LARS2: variants seen among roughly 807,000 people sequenced by gnomAD.
LARS2 encodes the protein leucyl-tRNA synthetase 2, mitochondrial.
Under a neutral mutation model 116.6 loss-of-function variants are expected in LARS2, and 81 were observed. That is an observed-to-expected ratio of 0.69 (90% CI 0.58 to 0.84). The LOEUF (loss-of-function observed/expected upper bound fraction) is 0.84, where lower values mean the gene tolerates loss of function less well. LARS2 is among the 40% of genes least tolerant of loss of function. LARS2 has a pLI of 0.00. For missense variants in LARS2, 968 were observed against 1,114.5 expected, an observed-to-expected ratio of 0.87 and a Z score of 1.87; for synonymous variants, 396 against 407.2, an observed-to-expected ratio of 0.97 and a Z score of 0.33.
chr3:45,509,169 C>T (rs1110778), intron 15 of LARS2, among the ~76,000 whole-genome samples: 40,907 of 151,964 alleles, frequency 0.27, 6,085 homozygotes, highest in Middle Eastern at 0.4. Flanking sequence ...AATACTCCCG[C>T]GTTTGATGGT....
rs1699615421 is a variant in LARS2, at chr3:45,476,618, C to T, written c.1009C>T (p.Pro337Ser). 6.2e-7 allele frequency: 1 copy of T among 1,614,046 alleles called. No individual in the cohort carries two copies. The stretch of plus-strand genomic sequence containing the variant: ...GGAAGCCTTGAGGATGGCCCTTGTC[C>T]CTGGCAAAGGTGAGCTGGCAAGTTA... ...LKEALRMALV[P>S]GKDCLTPVMA... The change falls in exon 10 of 22, where the codon CCT (proline) becomes TCT (serine). Residue 337 changes from proline (P) to serine (S), a missense_variant. Coordinates refer to ENST00000645846, the MANE Select transcript of LARS2 (RefSeq NM_015340.4).
chr3:45,515,044 A>T (rs936496235), intron 16 of LARS2, among the ~76,000 whole-genome samples: 1 of 152,198 alleles, frequency 6.6e-6, no homozygotes, highest in Non-Finnish European at 1.5e-5. Context: ...AGGTCTGTAC[A>T]TCGGTCCCCT....
rs183830703 is a variant in LARS2 at position 45,432,626 on chromosome 3, A to G, written c.516+12897A>G. Among the ~76,000 whole-genome samples, 36 of 152,236 alleles carry G rather than the reference A, an allele frequency of 2.4e-4. 1 individual carries two copies. The highest frequency in any genetic ancestry group is 7.2e-4 in the African/African-American group (30 of 41,574). ...AAAACAACATACAGTCTTATGGAAT[A>G]TAGCAAAAAAGAGCAAAGTGGGAAA... On this transcript the variant is annotated intron_variant, in intron 6 of 21. Coordinates refer to ENST00000645846, the MANE Select transcript of LARS2 (RefSeq NM_015340.4).
intron 6 of LARS2, among the ~76,000 whole-genome samples, 198 bp downstream of exon 6, chr3:45,419,927 A>G (rs1456242784): frequency 6.6e-6 from 1 of 152,212 alleles, no homozygotes; most frequent in African/African-American, 2.4e-5. Context: ...GATTAAACTG[A>G]GAGTTAACTT....
chr3:45,420,435 A>T (rs1381245360), intron 6 of LARS2, among the ~76,000 whole-genome samples: 12 of 152,046 alleles, frequency 7.9e-5, no homozygotes, highest in Non-Finnish European at 1.6e-4. Context: ...TTAACATCCC[A>T]TTTACTCCAC....
intron 3 of LARS2, 22 bp downstream of exon 3, chr3:45,394,709 A>G (rs1263580527): frequency 1.9e-6 from 3 of 1,552,786 alleles, no homozygotes; most frequent in Non-Finnish European, 1.8e-6. Context: ...GAGAGATTCT[A>G]AGAGGGTAGA....
intron 15 of LARS2, among the ~76,000 whole-genome samples, chr3:45,503,055 CT>C (rs1700146123): frequency 6.7e-6 from 1 of 149,562 alleles, no homozygotes; most frequent in African/African-American, 2.5e-5. Flanking sequence ...TTCTTGAACC[CT>C]TTTTTTTTTG....
intron 9 of LARS2, among the ~76,000 whole-genome samples, chr3:45,475,235 C>G (rs1699591490): frequency 6.6e-6 from 1 of 152,182 alleles, no homozygotes; most frequent in Non-Finnish European, 1.5e-5. Context: ...TGCTGACAAC[C>G]ATACCTGGTG....
intron 14 of LARS2, among the ~76,000 whole-genome samples, chr3:45,499,335 A>G (rs1407588922): frequency 6.6e-6 from 1 of 152,204 alleles, no homozygotes; most frequent in Non-Finnish European, 1.5e-5. Context: ...CCAGCTACTC[A>G]GGAGGCTGAG....
chr3:45,417,570 A>G lies in LARS2; in HGVS notation c.452A>G (p.Gln151Arg), dbSNP rs750589305. The change falls in exon 5 of 22, where the codon CAA becomes CGA. Residue 151 changes from glutamine (Q) to arginine (R), a missense_variant. Transcript: ENST00000645846. ...AATCTACATCCACAAAGTTGGACAC[A>G]AAGGTAAGTGTTTACAGGCATATTC... ...ERNLHPQSWT[Q>R]SNIKHMRKQL... 1 of 1,612,818 alleles carries G rather than the reference A, an allele frequency of 6.2e-7. No individual in the cohort carries two copies. Among genetic ancestry groups the G allele is most frequent in the South Asian group, 1.1e-5 (1 of 91,054 alleles).
chr3:45,540,068 G>C (rs1301676904), intron 20 of LARS2, among the ~76,000 whole-genome samples: 4 of 152,030 alleles, frequency 2.6e-5, no homozygotes, highest in Non-Finnish European at 4.4e-5. Context: ...GACCAACCTG[G>C]CCAACATGAT....
chr3:45,427,487 A>C (rs1698613591), intron 6 of LARS2, among the ~76,000 whole-genome samples: 1 of 152,220 alleles, frequency 6.6e-6, no homozygotes, highest in African/African-American at 2.4e-5. Flanking sequence ...CAGGCCCATC[A>C]TCAATTCTTT....
At chr3:45,412,341 G>C (rs1698344077) in intron 4 of LARS2, among the ~76,000 whole-genome samples, 1 of 151,832 alleles carries the variant, frequency 6.6e-6, no homozygotes. Flanking sequence ...CTCTGCAAAG[G>C]TTCTATTTCA....
chr3:45,488,523 G>C (rs1360796464), intron 11 of LARS2, among the ~76,000 whole-genome samples, 174 bp from the exon 12 acceptor site: 1 of 152,178 alleles, frequency 6.6e-6, no homozygotes, highest in Admixed American at 6.5e-5. Flanking sequence ...TTGGCAGTGG[G>C]TTTCTCCAAG....
At chr3:45,478,570 C>T (rs1699651240) in intron 10 of LARS2, among the ~76,000 whole-genome samples, 2 of 152,172 alleles carry the variant, frequency 1.3e-5, no homozygotes, top group South Asian at 4.1e-4. Context: ...TGGATATCGA[C>T]ACACCTGACC....
chr3:45,511,385 T>C (rs1700286725), intron 15 of LARS2, among the ~76,000 whole-genome samples: 1 of 152,100 alleles, frequency 6.6e-6, no homozygotes, highest in Non-Finnish European at 1.5e-5. Context: ...GAAATAATAG[T>C]GTTAGCAGTC....
chr3:45,410,113 G>A lies in LARS2; in HGVS notation c.364-7369G>A, dbSNP rs947097175. Among the ~76,000 whole-genome samples, 4 of 152,150 alleles carry A rather than the reference G, an allele frequency of 2.6e-5. No individual in the cohort carries two copies. The South Asian group carries it at 8.3e-4, about 32-fold the overall frequency. On this transcript the variant is annotated intron_variant, in intron 4 of 21. Transcript: ENST00000645846. ...GAAACATTGAATCGGTGCCATTTTG[G>A]CAGTTCTGACAAAGAAACCAAGTGG... is the stretch of plus-strand genomic sequence containing the variant.
intron 16 of LARS2, 84 bp from the exon 17 acceptor site, chr3:45,516,009 AC>A (rs1700364517): frequency 9.6e-7 from 1 of 1,039,960 alleles, no homozygotes; most frequent in African/African-American, 1.6e-5. Context: ...TCCATCGCTC[AC>A]CCAGTTTTTA....
At chr3:45,474,607 G>GA (rs1420102306) in intron 9 of LARS2, among the ~76,000 whole-genome samples, 1 of 152,124 alleles carries the variant, frequency 6.6e-6, no homozygotes, top group African/African-American at 2.4e-5. Flanking sequence ...ATTTATTAAA[G>GA]AAAGAGTTTA....
Sources: allele counts gnomAD v4.1 joint callset (sites outside exome capture counted in the v4.1 genomes callset), GRCh38; gene constraint gnomAD v4.1.1; transcripts MANE v1.5; gene names NCBI Gene and HGNC (gene_info 2026-07-23, HGNC 2026-07-21).